Variants in MISP observed in about 807,000 individuals in gnomAD.
The protein encoded by MISP is mitotic interactor and substrate of PLK1.
In MISP, 51 loss-of-function variants were observed where a neutral mutation model predicts 49.3. The observed-to-expected ratio is 1.03, with a 90% CI of 0.83 to 1.31. The LOEUF (loss-of-function observed/expected upper bound fraction) is 1.31, where lower values mean the gene tolerates loss of function less well. Ranked by LOEUF, MISP falls within the 50% of genes most tolerant of loss-of-function variation. The pLI is 0.00. For synonymous variants in MISP, 444 were observed against 392.6 expected (o/e 1.13, Z -1.55); for missense variants, 1,084 against 935.1 (o/e 1.16, Z -2.08).
chr19:753,297 A>G (rs117359469), intron 1 of MISP, among the ~76,000 whole-genome samples: 6 of 152,204 alleles, frequency 3.9e-5, no homozygotes, highest in Non-Finnish European at 8.8e-5. Flanking sequence ...TGTAGTTTCA[A>G]CACGGCTCCC....
chr19:754,832 G>C (rs1022361224), intron 1 of MISP, among the ~76,000 whole-genome samples: 1 of 145,884 alleles, frequency 6.9e-6, no homozygotes, highest in East Asian at 1.9e-4. Context: ...GGCGAGGTTT[G>C]GGGTGGAGGA....
At position 758,163 on chromosome 19, in the gene MISP, G is replaced by T; in HGVS notation, c.1217G>T (p.Arg406Leu). ...DSILSPAPDA[R>L]AADPAPEVRK... ...ATCCTCAGCCCGGCCCCAGATGCCC[G>T]TGCGGCCGACCCAGCTCCAGAAGTG... The change falls in exon 2 of 5, where the codon CGT becomes CTT. Residue 406 changes from arginine (R) to leucine (L), a missense_variant. Arg to Leu is a moderately radical substitution (Grantham distance 102). Coordinates refer to ENST00000215582, the MANE Select transcript of MISP (RefSeq NM_173481.4). 1.9e-6 allele frequency: 3 copies of T among 1,612,394 alleles called. No individual in the cohort carries two copies. The highest frequency in any genetic ancestry group is 1.3e-5 in the African/African-American group (1 of 75,004).
At chr19:755,905 G>A (rs1299176399) in intron 1 of MISP, among the ~76,000 whole-genome samples, 4 of 151,812 alleles carry the variant, frequency 2.6e-5, no homozygotes, top group East Asian at 1.9e-4. Flanking sequence ...TGCACTCCAG[G>A]CTGGGCAACA....
chr19:764,008 G>C lies in MISP; in HGVS notation c.*418G>C, dbSNP rs969420632. ...CTTGAGGGGCTGCGGGTCTGAGGGAGGAGACACTCAGCTCCTCCCTCTGAG... is the reference window on the plus strand; with the variant it reads ...CTTGAGGGGCTGCGGGTCTGAGGGACGAGACACTCAGCTCCTCCCTCTGAG... On this transcript the variant is annotated 3_prime_UTR_variant, in exon 5 of 5. Transcript: ENST00000215582. 10 of 159,452 alleles carry C rather than the reference G, an allele frequency of 6.3e-5. No homozygotes were observed. The highest frequency in any genetic ancestry group is 2.2e-4 in the African/African-American group (9 of 41,724). The allele number at this position is 159,452 out of a possible 1,614,324, so 9.9% of individuals were successfully genotyped here.
Position 757,188 on chromosome 19 carries a change from G to C in MISP, c.242G>C (p.Gly81Ala), listed in dbSNP as rs749514537. Residue 81 changes from glycine to alanine, a missense_variant, in exon 2 of 5, where the codon GGG becomes GCG. Coordinates refer to ENST00000215582, the MANE Select transcript of MISP (RefSeq NM_173481.4). Reference protein sequence around the residue: ...HAYTGQPSPRGLHSENREDEG... With the variant: ...HAYTGQPSPRALHSENREDEG... ...TACACTGGCCAGCCGTCCCCACGGGGGCTCCACTCGGAGAACAGGGAGGAT... is the reference window on the plus strand; with the variant it reads ...TACACTGGCCAGCCGTCCCCACGGGCGCTCCACTCGGAGAACAGGGAGGAT... The C allele has an allele frequency of 6.2e-7, 1 of 1,613,554 alleles. No homozygotes were observed. Among genetic ancestry groups the C allele is most frequent in the East Asian group, 2.2e-5 (1 of 44,874 alleles).
intron 1 of MISP, among the ~76,000 whole-genome samples, chr19:755,307 G>C (rs2033532646): frequency 6.6e-6 from 1 of 152,208 alleles, no homozygotes; most frequent in African/African-American, 2.4e-5. Context: ...GCCCCACCTG[G>C]GCCCAGCGGG....
intron 4 of MISP, among the ~76,000 whole-genome samples, chr19:763,285 A>T (rs1050145670): frequency 4.6e-5 from 7 of 152,172 alleles, no homozygotes; most frequent in Non-Finnish European, 8.8e-5. Context: ...TCAAAAACAA[A>T]CAAAAAAGCC....
chr19:753,264 G>A (rs76345093), intron 1 of MISP, among the ~76,000 whole-genome samples: 7,746 of 152,276 alleles, frequency 0.051, 525 homozygotes, highest in East Asian at 0.35. Flanking sequence ...TGATACGCGC[G>A]GAAGATTGCA....
upstream of MISP, among the ~76,000 whole-genome samples, chr19:750,366 A>G (rs73508331): frequency 2.8e-4 from 43 of 151,590 alleles, no homozygotes; most frequent in Non-Finnish European, 5.9e-4. Context: ...TACCCCGCTA[A>G]ATTTTGTATT....
At chr19:749,687 G>A (rs1013036751), upstream of MISP, among the ~76,000 whole-genome samples, 6 of 152,172 alleles carry the variant, frequency 3.9e-5, no homozygotes, top group African/African-American at 1.4e-4. Context: ...AAAAATAGCT[G>A]GGCGTGGTGG....
At position 763,548 on chromosome 19, in the gene MISP, G is replaced by A. The variant is rs538094871; in HGVS notation, c.1998G>A (p.Glu666=). 1.0e-4 allele frequency: 164 copies of A among 1,614,108 alleles called. 1 individual carries two copies. In the Middle Eastern group the frequency reaches 1.6e-3, roughly 16 times the overall value. ...CCCGTCACAAGAACGCCATGGCAGA[G>A]CGCTGGGAATCCCGCATCTACGCCA... ...RVTRHKNAMA[E]RWESRIYASE... The change falls in exon 5 of 5, where the codon GAG becomes GAA. Residue 666 remains glutamate (E), a synonymous_variant. Transcript: ENST00000215582.
intron 1 of MISP, among the ~76,000 whole-genome samples, chr19:752,166 G>A (rs918196948): frequency 1.3e-5 from 2 of 152,240 alleles, no homozygotes; most frequent in Admixed American, 6.5e-5. Context: ...AACCGGAGTC[G>A]AAAACGGTTC....
intron 1 of MISP, among the ~76,000 whole-genome samples, chr19:751,642 G>C (rs2033461311): frequency 6.6e-6 from 1 of 152,146 alleles, no homozygotes; most frequent in Non-Finnish European, 1.5e-5. Context: ...GGACACGGAG[G>C]AGGGGTGGCT....
rs763389056 is a variant in MISP at position 761,628 on chromosome 19, G to C, written c.1915G>C (p.Ala639Pro). The C allele has an allele frequency of 5.0e-6, 8 of 1,613,956 alleles. No homozygotes were observed. The highest frequency in any genetic ancestry group is 6.8e-6 in the Non-Finnish European group (8 of 1,180,002). Residue 639 changes from alanine (A) to proline (P), a missense_variant, in exon 4 of 5, where the codon GCT (alanine) becomes CCT (proline). Transcript: ENST00000215582. ...PGQRKKEQWY[A>P]GINPSDGINS... is the part of the protein sequence containing the mutation. ...GACTTGTGTTCCTTTCCTGTAGTAC[G>C]CTGGCATCAACCCCTCGGACGGTAT...
Position 758,727 on chromosome 19 carries a change from G to C in MISP, c.1780+1G>C. 1.2e-6 allele frequency: 2 copies of C among 1,609,862 alleles called. No individual in the cohort carries two copies. Among genetic ancestry groups the C allele is most frequent in the Non-Finnish European group, 1.7e-6 (2 of 1,177,310 alleles). ...TCCAGGAGCTCCTCCCAGGCATCCG[G>C]TGAGAAGGGGCTCCAGGGAGTGGCT... On this transcript the variant is annotated splice_donor_variant, in intron 2 of 4. Transcript: ENST00000215582. LOFTEE classifies it high-confidence loss of function.
chr19:749,646 C>A (rs996165246), upstream of MISP, among the ~76,000 whole-genome samples: 2 of 152,158 alleles, frequency 1.3e-5, no homozygotes, highest in South Asian at 2.1e-4. Flanking sequence ...GCCTGGCTAA[C>A]GTGGCAAAAC....
In MISP at chr19:755,932, C is replaced by CAA. The variant is rs58041586; in HGVS notation, c.-57-946_-57-945dup. Reference sequence around the variant, plus strand: ...TGGGCAACAGAGCGAGACTCCATCTCAAAAAAAAAAAAATCAAGGCTGAGC... The same window carrying CAA: ...TGGGCAACAGAGCGAGACTCCATCTCAAAAAAAAAAAAAAATCAAGGCTGAGC... On this transcript the variant is annotated intron_variant, in intron 1 of 4. Coordinates refer to ENST00000215582, the MANE Select transcript of MISP (RefSeq NM_173481.4). Among the ~76,000 whole-genome samples, 283 of 139,888 alleles carry CAA rather than the reference C, an allele frequency of 2.0e-3. 1 individual carries two copies. Among genetic ancestry groups the CAA allele is most frequent in the African/African-American group, 7.1e-3 (273 of 38,522 alleles). 91.8% of individuals were successfully genotyped at this position (139,888 alleles called of 152,430 possible).
Position 758,226 on chromosome 19 carries a change from C to T in MISP, c.1280C>T (p.Pro427Leu), listed in dbSNP as rs769569779. The change falls in exon 2 of 5, where the codon CCG becomes CTG. Residue 427 changes from proline (P) to leucine (L), a missense_variant. Physicochemically the swap from Pro to Leu is moderately conservative, Grantham distance 98. Coordinates refer to ENST00000215582, the MANE Select transcript of MISP (RefSeq NM_173481.4). ...VNRIPPDAYQ[P>L]YLSPGTPQLE... ...CGCATCCCACCTGATGCCTACCAGC[C>T]GTACCTGAGCCCCGGGACCCCCCAG... is the stretch of plus-strand genomic sequence containing the variant. 5.2e-5 allele frequency: 84 copies of T among 1,613,188 alleles called. No homozygotes were observed. Among genetic ancestry groups the T allele is most frequent in the East Asian group, 4.0e-4 (18 of 44,834 alleles).
chr19:749,502 C>T (rs1306457275), upstream of MISP, among the ~76,000 whole-genome samples: 2 of 149,252 alleles, frequency 1.3e-5, no homozygotes, highest in Non-Finnish European at 3.0e-5. Context: ...GCCACGCTGT[C>T]CTTTGGGGGC....
Sources: allele counts gnomAD v4.1 joint callset (sites outside exome capture counted in the v4.1 genomes callset), GRCh38; gene constraint gnomAD v4.1.1; transcripts MANE v1.5; gene names NCBI Gene and HGNC (gene_info 2026-07-23, HGNC 2026-07-21).